The following DCAF8 variants were observed in gnomAD, a reference collection of about 807,000 sequenced individuals.
DCAF8 encodes the protein DDB1- and CUL4-associated factor 8.
A neutral mutation model predicts 68.0 loss-of-function variants in DCAF8; 20 were observed. That is an observed-to-expected ratio of 0.29 (90% CI 0.21 to 0.43). The LOEUF is 0.43. Among genes scored for constraint, DCAF8 ranks in the 20% least tolerant of loss-of-function variants. The pLI, the probability that DCAF8 is intolerant of heterozygous loss-of-function variation, is 1.00. For missense variants in DCAF8, 460 were observed against 771.0 expected, an observed-to-expected ratio of 0.60 and a Z score of 4.78; for synonymous variants, 230 against 276.9, an observed-to-expected ratio of 0.83 and a Z score of 1.68.
At chr1:160,236,384 G>GTA (rs1041162249) in intron 6 of DCAF8, among the ~76,000 whole-genome samples, 1 of 151,474 alleles carries the variant, frequency 6.6e-6, no homozygotes, top group Non-Finnish European at 1.5e-5. Context: ...ATATGTGTGT[G>GTA]TATATATGTG....
intron 2 of DCAF8, among the ~76,000 whole-genome samples, chr1:160,254,495 G>A (rs566183411): frequency 4.0e-5 from 6 of 149,388 alleles, no homozygotes; most frequent in South Asian, 2.1e-4. Flanking sequence ...GCTTTGAAAA[G>A]CCCTGGTTTT....
intron 2 of DCAF8, among the ~76,000 whole-genome samples, chr1:160,247,283 A>C (rs999949565): frequency 9.2e-5 from 14 of 152,230 alleles, no homozygotes; most frequent in African/African-American, 3.4e-4. Flanking sequence ...AACCCACTGG[A>C]GGGTGAGGAA....
intron 2 of DCAF8, among the ~76,000 whole-genome samples, chr1:160,251,855 T>TA: frequency 6.6e-6 from 1 of 152,188 alleles, no homozygotes; most frequent in East Asian, 1.9e-4. Context: ...ATAAAGCATG[T>TA]TTATGGTAGG....
chr1:160,246,758 T>C (rs1480301663), intron 2 of DCAF8, among the ~76,000 whole-genome samples: 3 of 151,484 alleles, frequency 2.0e-5, no homozygotes, highest in African/African-American at 7.3e-5. Flanking sequence ...GAGGCAGGAG[T>C]TGGAGACCAG....
intron 7 of DCAF8, 110 bp from the exon 8 acceptor site, chr1:160,225,773 T>A: frequency 1.3e-6 from 1 of 790,676 alleles, no homozygotes; most frequent in Non-Finnish European, 2.1e-6. Context: ...ATAAACAACA[T>A]TTTCCAAACC....
In DCAF8 at chr1:160,239,706, A is replaced by G. The variant is rs1656028237; in HGVS notation, c.714T>C (p.Asn238=). The change falls in exon 4 of 14, where the codon AAT becomes AAC. Residue 238 remains asparagine (N), a synonymous_variant. Coordinates refer to ENST00000368074, the MANE Select transcript of DCAF8 (RefSeq NM_015726.4). ...VLDFESGHKS[N]VFQAKFLPNS... ...TGCTCCCTTGCCTCACCTGGAACAC[A>G]TTACTTTTGTGGCCACTCTCAAAGT... 2.5e-6 allele frequency: 4 copies of G among 1,614,160 alleles called. No individual in the cohort carries two copies. The highest frequency in any genetic ancestry group is 3.4e-6 in the Non-Finnish European group (4 of 1,180,032).
chr1:160,225,205 C>T (rs1655422097), intron 8 of DCAF8, 86 bp from the exon 9 acceptor site: 5 of 1,228,374 alleles, frequency 4.1e-6, no homozygotes, highest in Non-Finnish European at 5.8e-6. Flanking sequence ...TTCAAACTCC[C>T]CTATATCTTC....
chr1:160,218,979 A>G lies in DCAF8; in HGVS notation c.1441-11T>C. On this transcript the variant is annotated splice_polypyrimidine_tract_variant and intron_variant, in intron 11 of 13. Transcript: ENST00000368074. ...CTCAAGACAGTTTACCTGGTCAGGA[A>G]GAAAGGAAAACACAGACTCAGCAGT... is the stretch of plus-strand genomic sequence containing the variant. The G allele has an allele frequency of 6.2e-7, 1 of 1,614,012 alleles. No homozygotes were observed. Among genetic ancestry groups the G allele is most frequent in the Non-Finnish European group, 8.5e-7 (1 of 1,179,958 alleles).
At chr1:160,246,318 C>T (rs1656337175) in intron 2 of DCAF8, among the ~76,000 whole-genome samples, 1 of 152,282 alleles carries the variant, frequency 6.6e-6, no homozygotes, top group African/African-American at 2.4e-5. Flanking sequence ...TCTCTCAAAA[C>T]CAAGCATCAA....
chr1:160,224,494 A>G lies in DCAF8; in HGVS notation c.1257T>C (p.Ser419=). 2 of 1,614,122 alleles carry G rather than the reference A, an allele frequency of 1.2e-6. No individual in the cohort carries two copies. Among genetic ancestry groups the G allele is most frequent in the Non-Finnish European group, 1.7e-6 (2 of 1,179,992 alleles). ...EDIYLFNSSH[S]DGAQYVKRYK... is the part of the protein sequence containing the mutation. ...ATCTCTTAACATACTGGGCCCCATC[A>G]CTGTGAGAGGAGTTGAAGAGGTAAA... Residue 419 remains serine (S), a synonymous_variant, in exon 10 of 14, where the codon AGT becomes AGC. Coordinates refer to ENST00000368074, the MANE Select transcript of DCAF8 (RefSeq NM_015726.4).
At chr1:160,230,209 G>A (rs1310723467) in intron 7 of DCAF8, among the ~76,000 whole-genome samples, 1 of 152,110 alleles carries the variant, frequency 6.6e-6, no homozygotes, top group African/African-American at 2.4e-5. Context: ...TTAATAAAAT[G>A]AATCTGGAAA....
At chr1:160,238,256 A>G (rs1045926323) in intron 5 of DCAF8, among the ~76,000 whole-genome samples, 25 of 152,228 alleles carry the variant, frequency 1.6e-4, no homozygotes, top group African/African-American at 5.5e-4. Context: ...CTCTCACACA[A>G]GAGGAATAAA....
chr1:160,223,404 A>G (rs762222837), intron 10 of DCAF8, among the ~76,000 whole-genome samples: 10 of 152,120 alleles, frequency 6.6e-5, no homozygotes, highest in Non-Finnish European at 1.0e-4. Flanking sequence ...CCAGCTCAGG[A>G]AAAAAAATAA....
chr1:160,227,768 C>T (rs550769994), intron 7 of DCAF8, among the ~76,000 whole-genome samples: 2 of 152,276 alleles, frequency 1.3e-5, no homozygotes, highest in South Asian at 4.1e-4. Context: ...TCCAATAAAA[C>T]TTTATTTATA....
intron 7 of DCAF8, among the ~76,000 whole-genome samples, chr1:160,228,832 TA>T (rs1655568700): frequency 1.3e-5 from 2 of 152,228 alleles, no homozygotes; most frequent in African/African-American, 4.8e-5. Context: ...TTCAAATTTA[TA>T]CCAGAAGATG....
chr1:160,231,957 G>C (rs1655703415), intron 6 of DCAF8, among the ~76,000 whole-genome samples: 1 of 152,130 alleles, frequency 6.6e-6, no homozygotes, highest in Admixed American at 6.5e-5. Context: ...TTGGGAGACT[G>C]AGGCGGGTGG....
chr1:160,215,887 CT>C lies in DCAF8; in HGVS notation c.*1704del, dbSNP rs2101707817. ...CAGCCAACATCTGGTCTCAGAGCTG[CT>C]GGGAAAAGGGGCAGGAGGAAGAAGT... On this transcript the variant is annotated 3_prime_UTR_variant, in exon 14 of 14. Transcript: ENST00000368074. 6.6e-6 allele frequency: 1 copy of C among 152,172 alleles called. No individual in the cohort carries two copies. Among genetic ancestry groups the C allele is most frequent in the South Asian group, 2.1e-4 (1 of 4,822 alleles). The allele number at this position is 152,172 out of a possible 1,614,324, so 9.4% of individuals were successfully genotyped here.
intron 4 of DCAF8, chr1:160,239,253 T>C: frequency 9.0e-7 from 1 of 1,110,986 alleles, no homozygotes. Flanking sequence ...TAAGTACCAG[T>C]CACAGTTCTA....
Position 160,247,942 on chromosome 1 carries a change from C to G in DCAF8, c.-26-3908G>C, listed in dbSNP as rs145121371. 3.3e-5 allele frequency among the ~76,000 whole-genome samples: 5 copies of G among 152,220 alleles called. No individual in the cohort carries two copies. In the East Asian group the frequency reaches 9.6e-4, roughly 29 times the overall value. ...ATAACCTTTGTGACCTTGGGTTAGG[C>G]AACAATTTCTTAGGATAGGACACAA... On this transcript the variant is annotated intron_variant, in intron 2 of 13. Transcript: ENST00000368074.
Sources: allele counts gnomAD v4.1 joint callset (sites outside exome capture counted in the v4.1 genomes callset), GRCh38; gene constraint gnomAD v4.1.1; transcripts MANE v1.5; gene names NCBI Gene and HGNC (gene_info 2026-07-23, HGNC 2026-07-21).